Variants in DCLK1 observed in about 807,000 individuals in gnomAD.
DCLK1 encodes the protein serine/threonine-protein kinase DCLK1.
DCLK1 carries 16 observed loss-of-function variants against 86.2 expected under a neutral mutation model. The observed-to-expected ratio is 0.19, with a 90% CI of 0.13 to 0.28. The LOEUF is 0.28. Among genes scored for constraint, DCLK1 ranks in the 10% least tolerant of loss-of-function variants. DCLK1 has a pLI of 1.00. For synonymous variants in DCLK1, 369 were observed against 370.5 expected (o/e 1.00, Z 0.05); for missense variants, 590 against 940.2 (o/e 0.63, Z 4.87).
chr13:35,978,187 TTTTTTC>T (rs1361076173), intron 3 of DCLK1, among the ~76,000 whole-genome samples: 1 of 150,976 alleles, frequency 6.6e-6, no homozygotes, highest in Non-Finnish European at 1.5e-5. Context: ...TTCCAGTTTT[TTTTTTC>T]TTTTCTTTTC....
At chr13:36,129,801 T>C (rs1376447378) in intron 1 of DCLK1, among the ~76,000 whole-genome samples, 1 of 151,950 alleles carries the variant, frequency 6.6e-6, no homozygotes, top group Admixed American at 6.6e-5. Flanking sequence ...GAAGGGCCAC[T>C]GGCTCTCATC....
chr13:35,822,673 T>A, intron 11 of DCLK1, 56 bp downstream of exon 11: 1 of 1,602,846 alleles, frequency 6.2e-7, no homozygotes, highest in African/African-American at 1.3e-5. Context: ...GAAATATTCA[T>A]ATTCCTTCAT....
chr13:35,855,515 A>G lies in DCLK1; in HGVS notation c.941-922T>C, dbSNP rs956461483. ...CAGCAATGCATTTCACTTACCTTCTATGAGTTCTAACATGGACACAGTCTT... is the reference window on the plus strand; with the variant it reads ...CAGCAATGCATTTCACTTACCTTCTGTGAGTTCTAACATGGACACAGTCTT... On this transcript the variant is annotated intron_variant, in intron 5 of 16. Transcript: ENST00000360631. 6 of 1,607,190 alleles carry G rather than the reference A, an allele frequency of 3.7e-6. No homozygotes were observed. In the Admixed American group the frequency reaches 8.4e-5, roughly 23 times the overall value.
At chr13:35,830,827 A>G (rs1387624241) in intron 8 of DCLK1, among the ~76,000 whole-genome samples, 3 of 152,236 alleles carry the variant, frequency 2.0e-5, no homozygotes, top group Non-Finnish European at 4.4e-5. Context: ...GGATGGATGG[A>G]CAGGACCGTG....
At chr13:36,053,858 G>A (rs1191484111) in intron 3 of DCLK1, among the ~76,000 whole-genome samples, 3 of 152,034 alleles carry the variant, frequency 2.0e-5, no homozygotes, top group Admixed American at 6.6e-5. Flanking sequence ...TGTTACCCAG[G>A]AGACTCTGGA....
At chr13:35,885,598 A>C (rs1384888786) in intron 4 of DCLK1, among the ~76,000 whole-genome samples, 1 of 152,206 alleles carries the variant, frequency 6.6e-6, no homozygotes, top group African/African-American at 2.4e-5. Context: ...TCAAGAAATA[A>C]GCACAATCAC....
chr13:36,090,424 A>G (rs1884778527), intron 3 of DCLK1, among the ~76,000 whole-genome samples: 1 of 152,186 alleles, frequency 6.6e-6, no homozygotes, highest in Admixed American at 6.5e-5. Flanking sequence ...ATTAGAAGCA[A>G]CAAGCTGTTT....
At chr13:35,936,961 G>GTTTTTTTTTTTTTTTT (rs1566610732) in intron 4 of DCLK1, among the ~76,000 whole-genome samples, 3 of 91,560 alleles carry the variant, frequency 3.3e-5, no homozygotes, top group African/African-American at 7.7e-5. Flanking sequence ...AGAAAAGTTA[G>GTTTTTTTTTTTTTTTT]CTTTTTTTTT....
At position 35,827,687 on chromosome 13, in the gene DCLK1, A is replaced by G. The variant is rs776100552; in HGVS notation, c.1355T>C (p.Ile452Thr). 1.9e-6 allele frequency: 3 copies of G among 1,613,976 alleles called. No individual in the cohort carries two copies. The highest frequency in any genetic ancestry group is 2.5e-6 in the Non-Finnish European group (3 of 1,179,928). ...TTCAGTTGGCACATCCATCTCCTCA[A>G]TCAGAAGAACGATATTGGGATGCTT... Reference protein sequence around the residue: ...RVKHPNIVLLIEEMDVPTELY... With the variant: ...RVKHPNIVLLTEEMDVPTELY... The change falls in exon 10 of 17, where the codon ATT (isoleucine) becomes ACT (threonine). Residue 452 changes from isoleucine to threonine, a missense_variant. Transcript: ENST00000360631.
At chr13:36,014,172 C>T (rs531583745) in intron 3 of DCLK1, among the ~76,000 whole-genome samples, 1 of 152,302 alleles carries the variant, frequency 6.6e-6, no homozygotes, top group African/African-American at 2.4e-5. Context: ...CCGTCTTCTG[C>T]GTCGCTCACG....
intron 3 of DCLK1, among the ~76,000 whole-genome samples, chr13:36,066,979 C>A (rs1052764810): frequency 2.0e-5 from 3 of 147,354 alleles, no homozygotes; most frequent in African/African-American, 5.0e-5. Flanking sequence ...ACTAGCTCAA[C>A]CATTGTGGAA....
At chr13:35,907,368 T>G (rs1171077) in intron 4 of DCLK1, among the ~76,000 whole-genome samples, 151,775 of 152,132 alleles carry the variant, frequency 1, 75,711 homozygotes, top group East Asian at 1. Context: ...TTGCTATGTT[T>G]TCCAGGCTGG....
intron 6 of DCLK1, chr13:35,848,831 G>A: frequency 5.1e-6 from 5 of 985,320 alleles, no homozygotes; most frequent in Non-Finnish European, 6.0e-6. Flanking sequence ...GGACCCAACT[G>A]TATTAAGTAA....
intron 3 of DCLK1, among the ~76,000 whole-genome samples, chr13:35,968,853 A>G (rs1878915682): frequency 6.6e-6 from 1 of 152,212 alleles, no homozygotes; most frequent in South Asian, 2.1e-4. Flanking sequence ...ATGGCCTTTG[A>G]GCACAAACTG....
rs1426762134 is a variant in DCLK1 at position 35,771,941 on chromosome 13, A to C, written c.*2594T>G. The stretch of plus-strand genomic sequence containing the variant: ...AAGAATGTCGAGAAAAAAATTAGAA[A>C]GCACTGGCTAAAAGCAAAGCAATCT... On this transcript the variant is annotated 3_prime_UTR_variant, in exon 17 of 17. Coordinates refer to ENST00000360631, the MANE Select transcript of DCLK1 (RefSeq NM_001330071.2). 1 of 152,228 alleles carries C rather than the reference A, an allele frequency of 6.6e-6. No individual in the cohort carries two copies. Among genetic ancestry groups the C allele is most frequent in the Non-Finnish European group, 1.5e-5 (1 of 68,058 alleles). 9.4% of individuals were successfully genotyped at this position (152,228 alleles called of 1,614,324 possible).
chr13:35,813,587 G>T (rs1230962214), intron 11 of DCLK1, among the ~76,000 whole-genome samples: 2 of 151,928 alleles, frequency 1.3e-5, no homozygotes, highest in Non-Finnish European at 2.9e-5. Context: ...TAAAGAAAAT[G>T]AGTACTAATA....
chr13:35,778,796 C>T (rs1168511493), intron 16 of DCLK1, among the ~76,000 whole-genome samples: 1 of 152,210 alleles, frequency 6.6e-6, no homozygotes, highest in East Asian at 1.9e-4. Context: ...CATCACTGAA[C>T]TCAGACTCAA....
intron 3 of DCLK1, among the ~76,000 whole-genome samples, chr13:36,065,410 A>C (rs1039865282): frequency 4.6e-5 from 7 of 152,216 alleles, no homozygotes; most frequent in African/African-American, 1.7e-4. Context: ...GGAAAGGAAG[A>C]ATAATTCAGC....
chr13:35,782,833 G>T (rs1482076879), intron 16 of DCLK1, among the ~76,000 whole-genome samples: 2 of 152,202 alleles, frequency 1.3e-5, no homozygotes, highest in Non-Finnish European at 2.9e-5. Context: ...CCCCTAGAAA[G>T]GGTGTTGGAA....
Sources: allele counts gnomAD v4.1 joint callset (sites outside exome capture counted in the v4.1 genomes callset), GRCh38; gene constraint gnomAD v4.1.1; transcripts MANE v1.5; gene names NCBI Gene and HGNC (gene_info 2026-07-23, HGNC 2026-07-21).